The following LTBP1 variants were observed in gnomAD, a reference collection of about 807,000 sequenced individuals.
LTBP1 encodes the protein latent transforming growth factor beta binding protein 1.
LTBP1 carries 129 observed loss-of-function variants against 207.6 expected under a neutral mutation model. That is an observed-to-expected ratio of 0.62 (90% CI 0.54 to 0.72). LTBP1 has a LOEUF of 0.72. LTBP1 is among the 30% of genes least tolerant of loss of function. The pLI, the probability that LTBP1 is intolerant of heterozygous loss-of-function variation, is 0.00. For synonymous variants in LTBP1, 963 were observed against 833.7 expected (o/e 1.16, Z -2.67); for missense variants, 2,281 against 2,217.2 (o/e 1.03, Z -0.58).
chr2:33,145,872 A>G (rs1159943728), intron 5 of LTBP1, among the ~76,000 whole-genome samples: 1 of 152,204 alleles, frequency 6.6e-6, no homozygotes, highest in East Asian at 1.9e-4. Flanking sequence ...CTTTTATTGA[A>G]ATACACTCAC....
At position 33,192,950 on chromosome 2, in the gene LTBP1, C is replaced by G. The variant is rs191462305; in HGVS notation, c.1701+4099C>G. ...CCCAAGATAATGACATTAATGCATT[C>G]ATGAGGGAAGACCCTCTTATTAGGT... On this transcript the variant is annotated intron_variant, in intron 7 of 33. Coordinates refer to ENST00000404816, the MANE Select transcript of LTBP1 (RefSeq NM_206943.4). Among the ~76,000 whole-genome samples the G allele has an allele frequency of 2.7e-3, 407 of 152,088 alleles. 2 individuals are homozygous for G. The Middle Eastern group carries it at 0.031, about 11-fold the overall frequency.
In LTBP1 at chr2:33,004,299, T is replaced by C. The variant is rs182647203; in HGVS notation, c.566-16610T>C. 1.2e-3 allele frequency among the ~76,000 whole-genome samples: 183 copies of C among 152,224 alleles called. 1 individual carries two copies. Among genetic ancestry groups the C allele is most frequent in the Middle Eastern group, 6.8e-3 (2 of 294 alleles). ...AGGTCCTGCCCATCCTGACAGTCAG[T>C]GACTTAAGCTTTGGCCACACTTTGG... On this transcript the variant is annotated intron_variant, in intron 2 of 33. Coordinates refer to ENST00000404816, the MANE Select transcript of LTBP1 (RefSeq NM_206943.4).
chr2:33,368,588 A>T (rs2095029413), intron 31 of LTBP1, among the ~76,000 whole-genome samples: 1 of 152,364 alleles, frequency 6.6e-6, no homozygotes, highest in African/African-American at 2.4e-5. Flanking sequence ...AATTTATGAT[A>T]TTATTCTGGC....
At chr2:33,180,875 A>G (rs1468670384) in intron 5 of LTBP1, among the ~76,000 whole-genome samples, 1 of 152,226 alleles carries the variant, frequency 6.6e-6, no homozygotes, top group African/African-American at 2.4e-5. Flanking sequence ...TAACTTTCTA[A>G]AAATATTGCT....
At chr2:33,036,478 G>A in intron 3 of LTBP1, among the ~76,000 whole-genome samples, 1 of 149,998 alleles carries the variant, frequency 6.7e-6, no homozygotes. Context: ...CTTTTTTTGA[G>A]ACGGAGTCTC....
intron 3 of LTBP1, among the ~76,000 whole-genome samples, chr2:33,026,269 C>T (rs926744229): frequency 2.6e-5 from 4 of 152,124 alleles, no homozygotes; most frequent in African/African-American, 2.4e-5. Flanking sequence ...ACCTCAACCC[C>T]ACCAACTCTC....
intron 19 of LTBP1, 40 bp from the exon 20 acceptor site, chr2:33,293,117 TTTC>T: frequency 1.3e-6 from 2 of 1,592,166 alleles, no homozygotes; most frequent in Non-Finnish European, 8.5e-7. Flanking sequence ...ATGTTTTCTT[TTTC>T]TTCTTTTTTT....
At chr2:32,998,219 T>TA (rs1685573428) in intron 2 of LTBP1, among the ~76,000 whole-genome samples, 1 of 152,112 alleles carries the variant, frequency 6.6e-6, no homozygotes, top group Non-Finnish European at 1.5e-5. Context: ...CACTAATATT[T>TA]AAAAACCATG....
chr2:33,308,103 T>C (rs773372586), intron 22 of LTBP1, among the ~76,000 whole-genome samples: 22 of 152,254 alleles, frequency 1.4e-4, no homozygotes, highest in Non-Finnish European at 2.1e-4. Flanking sequence ...AGGTTTTGTT[T>C]CTTAGCTTTC....
At chr2:33,285,074 T>A (rs1358697121) in intron 19 of LTBP1, among the ~76,000 whole-genome samples, 1 of 141,046 alleles carries the variant, frequency 7.1e-6, no homozygotes, top group Non-Finnish European at 1.5e-5. Flanking sequence ...GGAGTCTCAC[T>A]CTTGTCGCCC....
intron 5 of LTBP1, among the ~76,000 whole-genome samples, chr2:33,158,468 T>C (rs1164701658): frequency 1.3e-5 from 2 of 152,108 alleles, no homozygotes; most frequent in African/African-American, 4.8e-5. Flanking sequence ...TGTGCCACTT[T>C]TTGGAATTAA....
Position 33,194,386 on chromosome 2 carries a change from G to A in LTBP1, c.1701+5535G>A, listed in dbSNP as rs141791743. Among the ~76,000 whole-genome samples, 908 of 152,288 alleles carry A rather than the reference G, an allele frequency of 6.0e-3. 8 individuals carry two copies. Among genetic ancestry groups the A allele is most frequent in the Middle Eastern group, 0.031 (9 of 294 alleles). On this transcript the variant is annotated intron_variant, in intron 7 of 33. Transcript: ENST00000404816. ...AAAAGCTAGGCCTTTGCATCAGTTAGCCAAGTTGTGAATTCGAAGGAAAAG... is the reference window on the plus strand; with the variant it reads ...AAAAGCTAGGCCTTTGCATCAGTTAACCAAGTTGTGAATTCGAAGGAAAAG...
intron 3 of LTBP1, among the ~76,000 whole-genome samples, chr2:33,038,329 A>G (rs924825664): frequency 6.6e-6 from 1 of 152,222 alleles, no homozygotes; most frequent in African/African-American, 2.4e-5. Flanking sequence ...TTTCCCCTGC[A>G]GAAAGTTTTA....
At chr2:33,353,437 T>A (rs907571403) in intron 26 of LTBP1, among the ~76,000 whole-genome samples, 1 of 152,192 alleles carries the variant, frequency 6.6e-6, no homozygotes, top group African/African-American at 2.4e-5. Context: ...AGTCTCTGCG[T>A]CTTATTCTCT....
In LTBP1 at chr2:33,286,013, C is replaced by T. The variant is rs568950349; in HGVS notation, c.3112+5855C>T. 5 of 152,230 alleles carry T rather than the reference C, an allele frequency of 3.3e-5. No individual in the cohort carries two copies. In the South Asian group the frequency reaches 1.0e-3, roughly 32 times the overall value. 9.4% of individuals were successfully genotyped at this position (152,230 alleles called of 1,614,324 possible). On this transcript the variant is annotated intron_variant, in intron 19 of 33. Coordinates refer to ENST00000404816, the MANE Select transcript of LTBP1 (RefSeq NM_206943.4). ...GCATCTATAATAATGCTGCTATTTCCATTCCTGTACTTTATTGTCTCTGCT... is the reference window on the plus strand; with the variant it reads ...GCATCTATAATAATGCTGCTATTTCTATTCCTGTACTTTATTGTCTCTGCT...
intron 2 of LTBP1, among the ~76,000 whole-genome samples, chr2:32,953,971 C>T (rs904249562): frequency 3.9e-5 from 6 of 152,094 alleles, no homozygotes; most frequent in East Asian, 1.9e-4. Context: ...GAGGAGCTGC[C>T]GATGGGGTGG....
At chr2:33,094,495 G>C (rs1224819936) in intron 3 of LTBP1, among the ~76,000 whole-genome samples, 1 of 152,162 alleles carries the variant, frequency 6.6e-6, no homozygotes, top group East Asian at 1.9e-4. Flanking sequence ...TGGACTAGGT[G>C]ATTTCCTAAG....
chr2:32,989,271 G>T (rs915237948), intron 2 of LTBP1, among the ~76,000 whole-genome samples: 3 of 152,174 alleles, frequency 2.0e-5, no homozygotes, highest in Non-Finnish European at 2.9e-5. Flanking sequence ...ACATTCAAAG[G>T]AATGCCGAAA....
chr2:33,171,686 A>C (rs2085471790), intron 5 of LTBP1, among the ~76,000 whole-genome samples: 1 of 152,016 alleles, frequency 6.6e-6, no homozygotes, highest in African/African-American at 2.4e-5. Flanking sequence ...GAGAAGAGCA[A>C]CTCCAAGACA....
Sources: allele counts gnomAD v4.1 joint callset (sites outside exome capture counted in the v4.1 genomes callset), GRCh38; gene constraint gnomAD v4.1.1; transcripts MANE v1.5; gene names NCBI Gene and HGNC (gene_info 2026-07-23, HGNC 2026-07-21).